PIK3C2A: variants seen among roughly 807,000 people sequenced by gnomAD.
PIK3C2A encodes the protein phosphatidylinositol-4-phosphate 3-kinase catalytic subunit type 2 alpha.
A neutral mutation model predicts 204.5 loss-of-function variants in PIK3C2A; 97 were observed. The ratio of observed to expected loss-of-function variants is 0.47; its 90% CI spans 0.40 to 0.56. The LOEUF is 0.56. Among genes scored for constraint, PIK3C2A ranks in the 20% least tolerant of loss-of-function variants. The pLI is 0.00. For synonymous variants in PIK3C2A, 653 were observed against 664.4 expected, an observed-to-expected ratio of 0.98 and a Z score of 0.26; for missense variants, 1,735 against 1,969.2, an observed-to-expected ratio of 0.88 and a Z score of 2.25.
At chr11:17,098,936 C>T (rs536484741) in intron 26 of PIK3C2A, among the ~76,000 whole-genome samples, 1 of 152,300 alleles carries the variant, frequency 6.6e-6, no homozygotes, top group Non-Finnish European at 1.5e-5. Context: ...GCTTTTGTTC[C>T]TCAGGCTGGA....
chr11:17,101,989 A>C (rs908731459), intron 24 of PIK3C2A, among the ~76,000 whole-genome samples: 28 of 152,202 alleles, frequency 1.8e-4, no homozygotes, highest in Non-Finnish European at 4.4e-5. Context: ...TTACATATGA[A>C]AATAAGGTGA....
At position 17,087,665 on chromosome 11, in the gene PIK3C2A, A is replaced by C. The variant is rs182582486; in HGVS notation, c.*2073T>G. On this transcript the variant is annotated 3_prime_UTR_variant, in exon 33 of 33. Coordinates refer to ENST00000691414, the MANE Select transcript of PIK3C2A (RefSeq NM_002645.4). ...TGTTTGTTTTTAAATTACAGTGGCTAAGTGATAACTGGTGGAATGGAATTC... is the reference window on the plus strand; with the variant it reads ...TGTTTGTTTTTAAATTACAGTGGCTCAGTGATAACTGGTGGAATGGAATTC... 2.0e-5 allele frequency: 3 copies of C among 152,352 alleles called. No homozygotes were observed. Among genetic ancestry groups the C allele is most frequent in the African/African-American group, 7.2e-5 (3 of 41,578 alleles). 9.4% of individuals were successfully genotyped at this position (152,352 alleles called of 1,614,324 possible).
rs142559846 is a variant in PIK3C2A, at chr11:17,102,575, G to A, written c.3851+87C>T. On this transcript the variant is annotated intron_variant, in intron 24 of 32. Coordinates refer to ENST00000691414, the MANE Select transcript of PIK3C2A (RefSeq NM_002645.4). ...TTCCCAGTTATGTTCAAATGGAGCCGCGAGGCAAAACACAAAGCTTGAGAC... is the reference window on the plus strand; with the variant it reads ...TTCCCAGTTATGTTCAAATGGAGCCACGAGGCAAAACACAAAGCTTGAGAC... 4.2e-4 allele frequency: 443 copies of A among 1,058,030 alleles called. 3 individuals carry two copies. The African/African-American group carries it at 5.6e-3, about 13-fold the overall frequency. The allele number at this position is 1,058,030 out of a possible 1,614,324, so 65.5% of individuals were successfully genotyped here. A position where few individuals can be genotyped will look rare whatever the true frequency, so the allele number is the denominator to read the frequency against.
intron 2 of PIK3C2A, among the ~76,000 whole-genome samples, chr11:17,164,429 T>G (rs1850882513): frequency 6.6e-6 from 1 of 152,024 alleles, no homozygotes; most frequent in African/African-American, 2.4e-5. Flanking sequence ...AACAAAATTA[T>G]TAGATGGGGT....
intron 2 of PIK3C2A, among the ~76,000 whole-genome samples, chr11:17,167,776 C>T (rs536340113): frequency 7.2e-5 from 11 of 152,200 alleles, no homozygotes; most frequent in African/African-American, 2.4e-4. Flanking sequence ...TATTAATTCA[C>T]GTTAAAGTGA....
intron 1 of PIK3C2A, among the ~76,000 whole-genome samples, chr11:17,186,645 C>G (rs1851761473): frequency 6.6e-6 from 1 of 152,168 alleles, no homozygotes; most frequent in Non-Finnish European, 1.5e-5. Context: ...CAATTTCTTC[C>G]TCTAAGGGAA....
intron 1 of PIK3C2A, among the ~76,000 whole-genome samples, chr11:17,183,617 G>A (rs1400737778): frequency 1.3e-5 from 2 of 152,052 alleles, no homozygotes; most frequent in Non-Finnish European, 1.5e-5. Flanking sequence ...GGAGGCAGAG[G>A]TTGCAGTGAG....
At chr11:17,112,986 AAC>A (rs1849048561) in intron 20 of PIK3C2A, among the ~76,000 whole-genome samples, 1 of 151,956 alleles carries the variant, frequency 6.6e-6, no homozygotes, top group South Asian at 2.1e-4. Flanking sequence ...CAAATGAAAT[AAC>A]ACATGAGAAT....
At chr11:17,104,936 C>G (rs903752769) in intron 23 of PIK3C2A, among the ~76,000 whole-genome samples, 6 of 151,994 alleles carry the variant, frequency 3.9e-5, no homozygotes, top group African/African-American at 1.4e-4. Flanking sequence ...TTGCTGGCCT[C>G]TAAGTATGTG....
At chr11:17,146,055 G>A in intron 6 of PIK3C2A, 113 bp from the exon 7 acceptor site, 2 of 646,222 alleles carry the variant, frequency 3.1e-6, no homozygotes, top group Non-Finnish European at 2.6e-6. Context: ...GTTTTTCTGA[G>A]AACTGAAAAT....
chr11:17,121,980 ATAACT>A (rs1025275159), intron 15 of PIK3C2A, among the ~76,000 whole-genome samples: 6 of 151,656 alleles, frequency 4.0e-5, no homozygotes, highest in East Asian at 1.9e-4. Context: ...AATTTTAAAA[ATAACT>A]TAAATACTAG....
At chr11:17,115,677 G>A (rs931519081) in intron 19 of PIK3C2A, 11 of 151,866 alleles carry the variant, frequency 7.2e-5, no homozygotes, top group South Asian at 2.1e-4. Flanking sequence ...AACACTTCAC[G>A]AATTTGCATG....
chr11:17,187,114 T>TAG (rs1459109111), intron 1 of PIK3C2A, among the ~76,000 whole-genome samples: 1 of 152,152 alleles, frequency 6.6e-6, no homozygotes, highest in Non-Finnish European at 1.5e-5. Context: ...CTTTAGGCGT[T>TAG]ATCTAAGTGT....
chr11:17,190,527 C>T (rs1444439619), intron 1 of PIK3C2A, among the ~76,000 whole-genome samples: 4 of 148,732 alleles, frequency 2.7e-5, no homozygotes, highest in East Asian at 2.0e-4. Context: ...GCCGAGATTG[C>T]GCCACTGCAC....
rs550970120 is a variant in PIK3C2A at position 17,102,386 on chromosome 11, G to A, written c.3851+276C>T. On this transcript the variant is annotated intron_variant, in intron 24 of 32. Coordinates refer to ENST00000691414, the MANE Select transcript of PIK3C2A (RefSeq NM_002645.4). Reference sequence around the variant, plus strand: ...CGGGAGGCGGAGCTTGCAGTGAGCCGAGATCGTGCCACTGCACTCCAGCCT... The same window carrying A: ...CGGGAGGCGGAGCTTGCAGTGAGCCAAGATCGTGCCACTGCACTCCAGCCT... Among the ~76,000 whole-genome samples, 39 of 152,292 alleles carry A rather than the reference G, an allele frequency of 2.6e-4. No homozygotes were observed. The East Asian group carries it at 6.8e-3, about 26-fold the overall frequency.
chr11:17,202,148 C>T (rs986854240), intron 1 of PIK3C2A, among the ~76,000 whole-genome samples: 2 of 150,924 alleles, frequency 1.3e-5, no homozygotes, highest in South Asian at 2.1e-4. Context: ...CCCAGCTACT[C>T]GGGAGGCTGA....
intron 16 of PIK3C2A, 28 bp from the exon 17 acceptor site, chr11:17,119,341 G>T: frequency 1.5e-6 from 2 of 1,313,052 alleles, no homozygotes; most frequent in Non-Finnish European, 2.2e-6. Context: ...AACCAAGATT[G>T]GACAGTGATT....
intron 1 of PIK3C2A, among the ~76,000 whole-genome samples, chr11:17,187,972 T>C (rs1851811828): frequency 6.6e-6 from 1 of 152,156 alleles, no homozygotes; most frequent in Non-Finnish European, 1.5e-5. Context: ...GATTTACTTT[T>C]TGCTAAATTT....
At chr11:17,193,468 G>A (rs1031873381) in intron 1 of PIK3C2A, 4 of 419,012 alleles carry the variant, frequency 9.5e-6, no homozygotes, top group Non-Finnish European at 1.9e-5. Context: ...TGCTTCAGGA[G>A]CCATGGCTTA....
Sources: gnomAD v4.1 joint callset for allele counts (sites outside exome capture counted in the v4.1 genomes callset) on GRCh38, gnomAD v4.1.1 for gene constraint, MANE v1.5 for transcripts, NCBI Gene and HGNC (gene_info 2026-07-23, HGNC 2026-07-21) for gene names.